PRICKLE2: variants seen among roughly 807,000 people sequenced by gnomAD.
The protein encoded by PRICKLE2 is prickle-like protein 2.
Under a neutral mutation model 81.4 loss-of-function variants are expected in PRICKLE2, and 21 were observed. The ratio of observed to expected loss-of-function variants is 0.26; its 90% confidence interval spans 0.18 to 0.37. The LOEUF (loss-of-function observed/expected upper bound fraction) is 0.37. Ranked by LOEUF, PRICKLE2 falls within the 10% of genes least tolerant of loss-of-function variation. The pLI, the probability that PRICKLE2 is intolerant of heterozygous loss-of-function variation, is 1.00. For missense variants in PRICKLE2, 940 were observed against 1,109.0 expected (o/e 0.85, Z 2.16); for synonymous variants, 456 against 421.5 (o/e 1.08, Z -1.00).
Position 64,099,579 on chromosome 3 carries a change from G to C in PRICKLE2, c.2007C>G (p.Thr669=), listed in dbSNP as rs1156528282. Residue 669 remains threonine, a synonymous_variant, in exon 8 of 8, where the codon ACC becomes ACG. Coordinates refer to ENST00000638394, the MANE Select transcript of PRICKLE2 (RefSeq NM_198859.4). The surrounding 1 kb of genome is among the most constrained non-coding windows in gnomAD (Gnocchi z 4.3). ...GVRIQPMSER[T]RRRATSRDDN... ...CGTCGCGTGAAGTAGCTCTTCTCCGGGTGCGTTCACTCATGGGCTGGATCC... is the reference window on the plus strand; with the variant it reads ...CGTCGCGTGAAGTAGCTCTTCTCCGCGTGCGTTCACTCATGGGCTGGATCC... 6.2e-7 allele frequency: 1 copy of C among 1,613,466 alleles called. No individual in the cohort carries two copies. The highest frequency in any genetic ancestry group is 1.1e-5 in the South Asian group (1 of 91,084).
intron 7 of PRICKLE2, among the ~76,000 whole-genome samples, chr3:64,119,628 C>A (rs116008295): frequency 0.02 from 3,026 of 152,248 alleles, 87 homozygotes; most frequent in African/African-American, 0.069. Flanking sequence ...GTGAGTTCAG[C>A]CACTGTGAAA....
At chr3:64,168,570 G>A (rs899082934) in intron 2 of PRICKLE2, among the ~76,000 whole-genome samples, 17 of 152,266 alleles carry the variant, frequency 1.1e-4, no homozygotes, top group African/African-American at 3.9e-4. Context: ...TTTATACACA[G>A]TATTTCATAA....
chr3:64,164,462 G>A lies in PRICKLE2; in HGVS notation c.145-1333C>T, dbSNP rs1410216251. On this transcript the variant is annotated intron_variant, in intron 2 of 7. Transcript: ENST00000638394. ...GAACACATGTTTTGGGAATGCTGGGGTGAAGAGGTGCGAAAGCTCTGTCTA... is the reference window on the plus strand; with the variant it reads ...GAACACATGTTTTGGGAATGCTGGGATGAAGAGGTGCGAAAGCTCTGTCTA... Among the ~76,000 whole-genome samples the A allele has an allele frequency of 5.3e-5, 8 of 152,298 alleles. No individual in the cohort carries two copies. In the East Asian group the frequency reaches 9.6e-4, roughly 18 times the overall value.
At chr3:64,179,994 T>C (rs764678723) in intron 2 of PRICKLE2, among the ~76,000 whole-genome samples, 1 of 152,210 alleles carries the variant, frequency 6.6e-6, no homozygotes, top group Non-Finnish European at 1.5e-5. Flanking sequence ...AGCTTGCAAT[T>C]CCTGCTAAAA....
intron 2 of PRICKLE2, among the ~76,000 whole-genome samples, chr3:64,168,584 T>G (rs1157763799): frequency 6.6e-6 from 1 of 152,174 alleles, no homozygotes; most frequent in African/African-American, 2.4e-5. Flanking sequence ...TTCATAAACC[T>G]TCTGCACACT....
chr3:64,103,388 C>T (rs149737766), intron 7 of PRICKLE2: 2 of 152,138 alleles, frequency 1.3e-5, no homozygotes, highest in African/African-American at 2.4e-5. Flanking sequence ...AATAACTACA[C>T]CCAAGAACAT....
chr3:64,193,206 T>G (rs905596582), intron 2 of PRICKLE2, among the ~76,000 whole-genome samples: 1 of 152,184 alleles, frequency 6.6e-6, no homozygotes, highest in Non-Finnish European at 1.5e-5. Flanking sequence ...TAAATGCAAG[T>G]GGTCAAAACT....
intron 2 of PRICKLE2, among the ~76,000 whole-genome samples, chr3:64,235,271 T>C (rs1341939163): frequency 2.0e-5 from 3 of 152,236 alleles, no homozygotes; most frequent in Non-Finnish European, 4.4e-5. Flanking sequence ...CTTGATGAGA[T>C]GCTGTCATCA....
chr3:64,161,715 T>TAA (rs10715000), intron 3 of PRICKLE2, among the ~76,000 whole-genome samples: 11 of 118,042 alleles, frequency 9.3e-5, no homozygotes, highest in Non-Finnish European at 1.4e-4. Context: ...TAAAAAGAGT[T>TAA]AAAAAAAAAA....
intron 2 of PRICKLE2, among the ~76,000 whole-genome samples, chr3:64,257,717 G>A (rs1210726238): frequency 6.6e-6 from 1 of 152,232 alleles, no homozygotes; most frequent in African/African-American, 2.4e-5. Flanking sequence ...TGGGAGGGCA[G>A]TGGGTGGGCC....
At chr3:64,118,597 C>G (rs2106963434) in intron 7 of PRICKLE2, among the ~76,000 whole-genome samples, 1 of 152,210 alleles carries the variant, frequency 6.6e-6, no homozygotes, top group East Asian at 1.9e-4. Context: ...ATGCAAAAAA[C>G]TCAACATCAC....
At chr3:64,218,009 A>T (rs893025809) in intron 1 of PRICKLE2, among the ~76,000 whole-genome samples, 1 of 152,230 alleles carries the variant, frequency 6.6e-6, no homozygotes, top group Admixed American at 6.5e-5. Flanking sequence ...GAATCACAAG[A>T]TATACTCAGT....
chr3:64,200,935 T>A (rs1366323587), intron 1 of PRICKLE2: 9 of 149,216 alleles, frequency 6.0e-5, no homozygotes, highest in African/African-American at 2.2e-4. Context: ...TTTTAATTTT[T>A]TTTTTTTTTT....
intron 7 of PRICKLE2, among the ~76,000 whole-genome samples, chr3:64,129,142 AACCATGGGATTATGGTTAAAAATACAAG>A (rs1265872892): frequency 6.6e-6 from 1 of 152,186 alleles, no homozygotes; most frequent in African/African-American, 2.4e-5. Context: ...CCAGGTTGAG[AACCATGGGATTATGGTTAAAAATACAAG>A]ACTCAAGTGT....
At chr3:64,193,698 G>T (rs540250349) in intron 2 of PRICKLE2, among the ~76,000 whole-genome samples, 4 of 152,298 alleles carry the variant, frequency 2.6e-5, no homozygotes, top group African/African-American at 9.6e-5. Flanking sequence ...TACCCAGTGG[G>T]AGGTAATTGA....
At chr3:64,192,443 C>T (rs1236251527) in intron 2 of PRICKLE2, among the ~76,000 whole-genome samples, 1 of 152,174 alleles carries the variant, frequency 6.6e-6, no homozygotes, top group African/African-American at 2.4e-5. Context: ...GGGTTTGCTA[C>T]AAAGCATGTA....
chr3:64,234,371 A>G (rs193295886), intron 2 of PRICKLE2, among the ~76,000 whole-genome samples: 2 of 152,320 alleles, frequency 1.3e-5, no homozygotes, highest in African/African-American at 4.8e-5. Context: ...ATGAAGTAAT[A>G]CCTCATAGTG....
At chr3:64,216,622 C>T (rs2078875069) in intron 1 of PRICKLE2, among the ~76,000 whole-genome samples, 1 of 152,194 alleles carries the variant, frequency 6.6e-6, no homozygotes, top group Non-Finnish European at 1.5e-5. Context: ...TTAAGCATTA[C>T]AAGGGCAAAC....
chr3:64,153,007 G>A (rs774056700), intron 6 of PRICKLE2, among the ~76,000 whole-genome samples, 175 bp downstream of exon 6: 2 of 152,160 alleles, frequency 1.3e-5, no homozygotes, highest in Non-Finnish European at 2.9e-5. Context: ...ACCCCTATCT[G>A]AAGCTAGTAT....
Sources: allele counts gnomAD v4.1 joint callset (sites outside exome capture counted in the v4.1 genomes callset), GRCh38; gene constraint gnomAD v4.1.1; non-coding constraint Gnocchi (gnomAD v3.1); transcripts MANE v1.5; gene names NCBI Gene and HGNC (gene_info 2026-07-23, HGNC 2026-07-21).